TTC3: variants seen among roughly 807,000 people sequenced by gnomAD.
TTC3 encodes E3 ubiquitin-protein ligase TTC3.
TTC3 carries 180 observed loss-of-function variants against 249.6 expected under a neutral mutation model. The observed-to-expected ratio is 0.72, with a 90% confidence interval of 0.64 to 0.82. The LOEUF (loss-of-function observed/expected upper bound fraction) is 0.82, where lower values mean the gene tolerates loss of function less well. Ranked by LOEUF, TTC3 falls within the 40% of genes least tolerant of loss-of-function variation. TTC3 has a pLI of 0.00. For synonymous variants in TTC3, 717 were observed against 805.0 expected, an observed-to-expected ratio of 0.89 and a Z score of 1.85; for missense variants, 2,061 against 2,398.4, an observed-to-expected ratio of 0.86 and a Z score of 2.94.
exon 33 of TTC3, chr21:37,166,185 A>T: frequency 6.2e-7 from 1 of 1,614,110 alleles, no homozygotes; most frequent in East Asian, 2.2e-5. Flanking sequence ...CTTCCTTTCC[A>T]GAGATTTGAT....
chr21:37,172,814 T>C, intron 35 of TTC3, 70 bp downstream of exon 35: 4 of 1,556,080 alleles, frequency 2.6e-6, no homozygotes, highest in Non-Finnish European at 3.5e-6. Flanking sequence ...TAGCTGTGCT[T>C]GTGCGGCCTC....
Position 37,115,558 on chromosome 21 carries a change from T to C in TTC3, c.901-6259T>C, listed in dbSNP as rs1010514334. On this transcript the variant is annotated intron_variant, in intron 11 of 45. Coordinates refer to ENST00000355666, the Ensembl canonical transcript of TTC3. ...TGGTTTGATATGCAAGGTTGGTCAT[T>C]GCAGCATTGTTTTAATGGCACACAA... Among the ~76,000 whole-genome samples, 3 of 152,228 alleles carry C rather than the reference T, an allele frequency of 2.0e-5. No homozygotes were observed. The East Asian group carries it at 5.8e-4, about 29-fold the overall frequency.
chr21:37,083,601 T>A (rs1339233199), intron 1 of TTC3: 2 of 180,350 alleles, frequency 1.1e-5, no homozygotes, highest in Non-Finnish European at 2.1e-5. Context: ...GGAGTCTAGG[T>A]TGACTCCCAG....
chr21:37,176,078 C>T (rs762420721), intron 35 of TTC3, among the ~76,000 whole-genome samples: 9 of 152,262 alleles, frequency 5.9e-5, no homozygotes, highest in South Asian at 2.1e-4. Context: ...CGTGAGGCAC[C>T]GTGCCTGGCC....
At chr21:37,176,269 T>G (rs1344198066) in intron 35 of TTC3, among the ~76,000 whole-genome samples, 1 of 152,186 alleles carries the variant, frequency 6.6e-6, no homozygotes, top group Admixed American at 6.5e-5. Flanking sequence ...AATTTAGTGG[T>G]TTTTTGAATA....
intron 6 of TTC3, chr21:37,090,511 A>G (rs1231579607): frequency 1.0e-5 from 9 of 875,342 alleles, no homozygotes; most frequent in East Asian, 1.2e-4. Context: ...TTTTGAGCCT[A>G]TTTTACAAGT....
At chr21:37,165,503 C>G in intron 32 of TTC3, 47 bp from the exon 33 acceptor site, 2 of 1,428,004 alleles carry the variant, frequency 1.4e-6, no homozygotes, top group Non-Finnish European at 9.5e-7. Flanking sequence ...TAGACATATT[C>G]AAGTACTTCC....
At chr21:37,087,651 T>C (rs3737539) in intron 2 of TTC3, among the ~76,000 whole-genome samples, 182 bp from the exon 3 acceptor site, 2,179 of 152,232 alleles carry the variant, frequency 0.014, 123 homozygotes, top group Admixed American at 0.11. Context: ...GGGAGAGCCA[T>C]AGAAGCAAAC....
exon 36 of TTC3, chr21:37,182,855 C>A: frequency 1.3e-6 from 2 of 1,589,674 alleles, no homozygotes; most frequent in East Asian, 2.3e-5. Context: ...AAAAGAAATC[C>A]AAGAAAGACT....
chr21:37,114,076 A>G (rs774720515), intron 11 of TTC3, among the ~76,000 whole-genome samples: 4 of 152,268 alleles, frequency 2.6e-5, no homozygotes, highest in Non-Finnish European at 5.9e-5. Context: ...ACTTAAAACC[A>G]TAAAAACCCT....
At chr21:37,166,615 G>A in exon 33 of TTC3, 2 of 1,601,444 alleles carry the variant, frequency 1.2e-6, no homozygotes, top group South Asian at 1.1e-5. Flanking sequence ...TTGCCATACA[G>A]GTAAGAGTTA....
At position 37,129,070 on chromosome 21, in the gene TTC3, T is replaced by G. The variant is rs2077263885; in HGVS notation, c.1358+7T>G. 1 of 1,580,612 alleles carries G rather than the reference T, an allele frequency of 6.3e-7. No individual in the cohort carries two copies. The highest frequency in any genetic ancestry group is 8.6e-7 in the Non-Finnish European group (1 of 1,164,432). On this transcript the variant is annotated splice_region_variant and intron_variant, in intron 16 of 45. Coordinates refer to ENST00000355666, the Ensembl canonical transcript of TTC3. The stretch of plus-strand genomic sequence containing the variant: ...ATGAATCAGAAAAGTTCAGGTATGT[T>G]TTTTCTCTAAGGTATGTTTTTTTCC...
chr21:37,157,142 A>C, intron 28 of TTC3: 1 of 1,432,040 alleles, frequency 7.0e-7, no homozygotes, highest in Non-Finnish European at 9.3e-7. Flanking sequence ...AACAATACAC[A>C]ATGTTCTTCC....
chr21:37,165,484 T>C lies in TTC3; in HGVS notation c.3336-66T>C, dbSNP rs933875601. The C allele has an allele frequency of 1.7e-5, 22 of 1,273,386 alleles. No individual in the cohort carries two copies. The South Asian group carries it at 3.2e-4, about 18-fold the overall frequency. The allele number at this position is 1,273,386 out of a possible 1,614,324, so 78.9% of individuals were successfully genotyped here. ...GTTTTCCTTTGGGAGAATAAAAGTTTTTTTCAAATAGACATATTCAAGTAC... is the reference window on the plus strand; with the variant it reads ...GTTTTCCTTTGGGAGAATAAAAGTTCTTTTCAAATAGACATATTCAAGTAC... On this transcript the variant is annotated intron_variant, in intron 32 of 45. Coordinates refer to ENST00000355666, the Ensembl canonical transcript of TTC3.
chr21:37,078,734 A>G (rs2071231096), intron 1 of TTC3, among the ~76,000 whole-genome samples: 1 of 152,044 alleles, frequency 6.6e-6, no homozygotes, highest in African/African-American at 2.4e-5. Flanking sequence ...TAATTATATC[A>G]TTTGCAAATA....
chr21:37,157,041 A>G (rs1348631617), intron 28 of TTC3, 135 bp downstream of exon 28: 2 of 1,364,048 alleles, frequency 1.5e-6, no homozygotes, highest in Non-Finnish European at 2.0e-6. Context: ...TATGTGGGGA[A>G]GTTAGTGATT....
At chr21:37,198,003 C>A (rs772262604) in exon 44 of TTC3, 8 of 1,612,582 alleles carry the variant, frequency 5.0e-6, no homozygotes, top group Admixed American at 3.4e-5. Context: ...GGGCAGAAAG[C>A]AGAAGATGTC....
At chr21:37,097,049 A>G (rs528752272) in intron 10 of TTC3, among the ~76,000 whole-genome samples, 89 of 152,202 alleles carry the variant, frequency 5.8e-4, no homozygotes, top group Non-Finnish European at 1.1e-3. Context: ...TGCTCTGTTA[A>G]TTAATCCATA....
exon 33 of TTC3, chr21:37,165,805 A>AGGGGAG: frequency 2.5e-6 from 4 of 1,614,202 alleles, no homozygotes; most frequent in Non-Finnish European, 3.4e-6. Flanking sequence ...TTTCAAAAGC[A>AGGGGAG]GGGGAGTATG....
Sources: allele counts gnomAD v4.1 joint callset (sites outside exome capture counted in the v4.1 genomes callset), GRCh38; gene constraint gnomAD v4.1.1; transcripts MANE v1.5; gene names NCBI Gene and HGNC (gene_info 2026-07-23, HGNC 2026-07-21).